Variants in MACROD2 observed in about 807,000 individuals in gnomAD.
The protein encoded by MACROD2 is mono-ADP ribosylhydrolase 2.
In MACROD2, 36 loss-of-function variants were observed where a neutral mutation model predicts 70.4. That is an observed-to-expected ratio of 0.51 (90% CI 0.39 to 0.68). The LOEUF (loss-of-function observed/expected upper bound fraction) is 0.68. Ranked by LOEUF, MACROD2 falls within the 30% of genes least tolerant of loss-of-function variation. The pLI, the probability that MACROD2 is intolerant of heterozygous loss-of-function variation, is 0.00. For synonymous variants in MACROD2, 172 were observed against 178.8 expected, an observed-to-expected ratio of 0.96 and a Z score of 0.30; for missense variants, 496 against 538.4, an observed-to-expected ratio of 0.92 and a Z score of 0.78.
At chr20:15,703,813 C>T (rs1168386870) in intron 8 of MACROD2, among the ~76,000 whole-genome samples, 1 of 152,160 alleles carries the variant, frequency 6.6e-6, no homozygotes, top group Non-Finnish European at 1.5e-5. Context: ...TTGCTTTGGA[C>T]CTCACCTCAT....
intron 10 of MACROD2, among the ~76,000 whole-genome samples, chr20:15,908,413 T>C (rs2065182195): frequency 6.6e-6 from 1 of 152,198 alleles, no homozygotes; most frequent in African/African-American, 2.4e-5. Context: ...TCCCATCCAC[T>C]GCTAGTCTTA....
intron 9 of MACROD2, among the ~76,000 whole-genome samples, chr20:15,869,953 G>C (rs1205957286): frequency 6.6e-6 from 1 of 152,016 alleles, no homozygotes; most frequent in Non-Finnish European, 1.5e-5. Context: ...ATAGCACTGA[G>C]AAAGTGTAGC....
intron 3 of MACROD2, among the ~76,000 whole-genome samples, chr20:14,250,984 T>C (rs918539034): frequency 6.6e-6 from 1 of 151,712 alleles, no homozygotes. Flanking sequence ...AAAATTAATA[T>C]TTATTACCTA....
chr20:14,154,598 A>G (rs1980703), intron 3 of MACROD2, among the ~76,000 whole-genome samples: 138,092 of 138,168 alleles, frequency 1, 69,008 homozygotes, highest in Middle Eastern at 1. Flanking sequence ...ATTTTTAGTA[A>G]AGACGGGGTT....
chr20:16,048,642 T>A (rs2067416954), intron 17 of MACROD2, among the ~76,000 whole-genome samples: 1 of 152,104 alleles, frequency 6.6e-6, no homozygotes, highest in South Asian at 2.1e-4. Context: ...ATCCCACTAG[T>A]ATTGAATTAT....
intron 3 of MACROD2, among the ~76,000 whole-genome samples, chr20:14,191,978 T>C (rs1006728969): frequency 9.0e-6 from 1 of 111,610 alleles, no homozygotes; most frequent in African/African-American, 3.5e-5. Context: ...CTGTATAGTT[T>C]GTGGGGGAGG....
At chr20:15,447,289 TG>T (rs2046581647) in intron 7 of MACROD2, among the ~76,000 whole-genome samples, 1 of 152,168 alleles carries the variant, frequency 6.6e-6, no homozygotes, top group South Asian at 2.1e-4. Context: ...CAACAATTCC[TG>T]GGAAGGCAGA....
chr20:14,890,951 T>TTTCCTTCCTTCC (rs372577604), intron 5 of MACROD2, among the ~76,000 whole-genome samples: 10,670 of 105,594 alleles, frequency 0.1, 1,086 homozygotes, highest in Non-Finnish European at 0.14. Context: ...TCTTTCTCTT[T>TTTCCTTCCTTCC]TTCCTTCCTT....
At chr20:15,264,363 AC>A (rs1185529584) in intron 6 of MACROD2, among the ~76,000 whole-genome samples, 2 of 152,202 alleles carry the variant, frequency 1.3e-5, no homozygotes, top group Non-Finnish European at 2.9e-5. Context: ...GGCAAAGGGA[AC>A]CTTCCTTCAT....
intron 3 of MACROD2, among the ~76,000 whole-genome samples, chr20:14,118,783 C>A (rs1470513017): frequency 6.6e-6 from 1 of 151,076 alleles, no homozygotes; most frequent in Non-Finnish European, 1.5e-5. Flanking sequence ...CATATTTCTT[C>A]CATTAGTTCA....
chr20:15,699,809 A>G (rs1356133600), intron 8 of MACROD2, among the ~76,000 whole-genome samples: 1 of 152,152 alleles, frequency 6.6e-6, no homozygotes, highest in African/African-American at 2.4e-5. Flanking sequence ...AAGTTCGACT[A>G]GAGAATTCCT....
intron 2 of MACROD2, among the ~76,000 whole-genome samples, chr20:14,006,852 A>G (rs2052830519): frequency 1.3e-5 from 2 of 151,864 alleles, no homozygotes; most frequent in South Asian, 2.1e-4. Context: ...TTTATTTCTT[A>G]TGAGTTGGTA....
intron 3 of MACROD2, among the ~76,000 whole-genome samples, chr20:14,385,444 A>G (rs1568588221): frequency 6.6e-6 from 1 of 152,134 alleles, no homozygotes; most frequent in Non-Finnish European, 1.5e-5. Context: ...TTAAAAAAGT[A>G]TCAACGTCGG....
At chr20:15,278,126 A>G (rs1174229677) in intron 6 of MACROD2, among the ~76,000 whole-genome samples, 1 of 152,220 alleles carries the variant, frequency 6.6e-6, no homozygotes, top group Non-Finnish European at 1.5e-5. Context: ...GTTACAAAAC[A>G]TACTCTGCCT....
intron 4 of MACROD2, among the ~76,000 whole-genome samples, chr20:14,583,469 A>G (rs896463957): frequency 2.0e-5 from 3 of 152,140 alleles, no homozygotes; most frequent in African/African-American, 4.8e-5. Context: ...ATAGATCTGT[A>G]TATTGGCCTA....
At chr20:14,329,206 A>G (rs923373199) in intron 3 of MACROD2, 1 of 152,128 alleles carries the variant, frequency 6.6e-6, no homozygotes, top group African/African-American at 2.4e-5. Flanking sequence ...GTCACGTTAT[A>G]CAAGAACAGG....
At chr20:15,390,900 G>A (rs1202380420) in intron 6 of MACROD2, among the ~76,000 whole-genome samples, 1 of 152,196 alleles carries the variant, frequency 6.6e-6, no homozygotes, top group African/African-American at 2.4e-5. Flanking sequence ...AGCAGTGAGA[G>A]TTCTCCATCA....
intron 5 of MACROD2, among the ~76,000 whole-genome samples, chr20:14,919,269 T>A (rs1284389727): frequency 6.6e-6 from 1 of 152,216 alleles, no homozygotes; most frequent in Admixed American, 6.5e-5. Context: ...CTCTCCTCCA[T>A]GTTGTTGTAA....
chr20:15,632,000 G>A (rs1391985260), intron 8 of MACROD2, among the ~76,000 whole-genome samples: 2 of 151,934 alleles, frequency 1.3e-5, no homozygotes, highest in Admixed American at 1.3e-4. Flanking sequence ...TTAGCTGGGT[G>A]TAGTGACGGG....
Sources: gnomAD v4.1 joint callset for allele counts (sites outside exome capture counted in the v4.1 genomes callset) on GRCh38, gnomAD v4.1.1 for gene constraint, MANE v1.5 for transcripts, NCBI Gene and HGNC (gene_info 2026-07-23, HGNC 2026-07-21) for gene names.